The following TMEM178B variants were observed in gnomAD, a reference collection of about 807,000 sequenced individuals.
TMEM178B encodes transmembrane protein 178B.
TMEM178B carries 5 observed loss-of-function variants against 31.0 expected under a neutral mutation model. The observed-to-expected ratio is 0.16, with a 90% confidence interval of 0.08 to 0.34. The LOEUF is 0.34. TMEM178B is among the 10% of genes least tolerant of loss of function. The pLI, the probability that TMEM178B is intolerant of heterozygous loss-of-function variation, is 1.00. For synonymous variants in TMEM178B, 164 were observed against 164.0 expected, an observed-to-expected ratio of 1.00 and a Z score of 0.00; for missense variants, 275 against 400.3, an observed-to-expected ratio of 0.69 and a Z score of 2.67.
chr7:141,151,907 A>T (rs1795981027), intron 1 of TMEM178B, among the ~76,000 whole-genome samples: 1 of 152,106 alleles, frequency 6.6e-6, no homozygotes, highest in African/African-American at 2.4e-5. Flanking sequence ...CACAGCATGG[A>T]TGCTGCAGCC....
At chr7:141,240,479 T>A (rs1487612784) in intron 2 of TMEM178B, among the ~76,000 whole-genome samples, 1 of 152,264 alleles carries the variant, frequency 6.6e-6, no homozygotes, top group Admixed American at 6.5e-5. Context: ...AATATTCTTG[T>A]CTCTTCCATG....
At chr7:141,444,030 G>C (rs1235318988) in intron 3 of TMEM178B, among the ~76,000 whole-genome samples, 2 of 152,082 alleles carry the variant, frequency 1.3e-5, no homozygotes, top group Non-Finnish European at 2.9e-5. Context: ...TTTATTGTTT[G>C]CTTGTTGGAG....
At chr7:141,303,965 G>C (rs567932343) in intron 2 of TMEM178B, among the ~76,000 whole-genome samples, 3 of 152,286 alleles carry the variant, frequency 2.0e-5, no homozygotes, top group African/African-American at 7.2e-5. Context: ...GAGAGGTTCA[G>C]TGACTTGTCT....
intron 2 of TMEM178B, among the ~76,000 whole-genome samples, chr7:141,330,898 G>A (rs565859813): frequency 6.6e-6 from 1 of 152,334 alleles, no homozygotes; most frequent in South Asian, 2.1e-4. Context: ...TGGAGGTCAT[G>A]AGAGGTAGTC....
chr7:141,403,056 G>C (rs759286691), intron 2 of TMEM178B, among the ~76,000 whole-genome samples: 2 of 152,238 alleles, frequency 1.3e-5, no homozygotes, highest in Non-Finnish European at 2.9e-5. Flanking sequence ...CCCTGAGTTT[G>C]TGGCTATTTG....
chr7:141,109,428 T>C (rs571789100), intron 1 of TMEM178B, among the ~76,000 whole-genome samples: 72 of 152,260 alleles, frequency 4.7e-4, no homozygotes, highest in Non-Finnish European at 6.9e-4. Flanking sequence ...ATTGTGATTA[T>C]GGAGGAGTTG....
At chr7:141,167,065 G>A (rs537768385) in intron 1 of TMEM178B, among the ~76,000 whole-genome samples, 1 of 152,308 alleles carries the variant, frequency 6.6e-6, no homozygotes, top group South Asian at 2.1e-4. Flanking sequence ...GTGGCCTATA[G>A]CTAGTCATTT....
chr7:141,382,162 CT>C (rs557639405), intron 2 of TMEM178B, among the ~76,000 whole-genome samples: 260 of 152,280 alleles, frequency 1.7e-3, no homozygotes, highest in Non-Finnish European at 2.9e-3. Context: ...CCAAGGTGGC[CT>C]TTTAAAACAG....
chr7:141,377,283 A>T lies in TMEM178B; in HGVS notation c.497-60325A>T, dbSNP rs775165582. Among the ~76,000 whole-genome samples, 78 of 151,906 alleles carry T rather than the reference A, an allele frequency of 5.1e-4. 1 individual carries two copies. The highest frequency in any genetic ancestry group is 3.4e-3 in the Middle Eastern group (1 of 294). On this transcript the variant is annotated intron_variant, in intron 2 of 3. Transcript: ENST00000565468. Reference sequence around the variant, plus strand: ...ACTGCAACCTCCGCCTCCCGGGTTCAAGTGATTCTTCTGTCTCAGCCTCCC... The same window carrying T: ...ACTGCAACCTCCGCCTCCCGGGTTCTAGTGATTCTTCTGTCTCAGCCTCCC...
intron 3 of TMEM178B, among the ~76,000 whole-genome samples, chr7:141,446,551 G>A (rs1405066748): frequency 6.6e-6 from 1 of 152,172 alleles, no homozygotes; most frequent in Non-Finnish European, 1.5e-5. Context: ...CACATGAGCT[G>A]TCTTCCATTC....
At chr7:141,330,043 T>C (rs1280007682) in intron 2 of TMEM178B, among the ~76,000 whole-genome samples, 1 of 151,946 alleles carries the variant, frequency 6.6e-6, no homozygotes, top group Non-Finnish European at 1.5e-5. Flanking sequence ...CCCTGAGAAA[T>C]TTAATCTTCA....
At chr7:141,149,236 C>T (rs1489994966) in intron 1 of TMEM178B, among the ~76,000 whole-genome samples, 1 of 152,150 alleles carries the variant, frequency 6.6e-6, no homozygotes, top group African/African-American at 2.4e-5. Context: ...TGACCCCTGG[C>T]ACCTGTGAAT....
chr7:141,117,372 A>T (rs1795335957), intron 1 of TMEM178B, among the ~76,000 whole-genome samples: 1 of 151,480 alleles, frequency 6.6e-6, no homozygotes. Flanking sequence ...TTTTTCTTGT[A>T]AATCTATTTA....
chr7:141,239,179 C>T (rs1481225223), intron 2 of TMEM178B, among the ~76,000 whole-genome samples: 3 of 152,204 alleles, frequency 2.0e-5, no homozygotes, highest in Non-Finnish European at 4.4e-5. Flanking sequence ...CACATGCATG[C>T]GTGCATATAC....
chr7:141,328,376 C>T (rs1362610432), intron 2 of TMEM178B, among the ~76,000 whole-genome samples: 1 of 152,204 alleles, frequency 6.6e-6, no homozygotes, highest in Non-Finnish European at 1.5e-5. Flanking sequence ...CTTCTCCCCA[C>T]CCTCAATCCT....
intron 2 of TMEM178B, among the ~76,000 whole-genome samples, chr7:141,369,316 C>CGTGT (rs55960871): frequency 0.012 from 1,657 of 138,430 alleles, 7 homozygotes; most frequent in Non-Finnish European, 0.015. Context: ...TCCGCGCCGA[C>CGTGT]GTGTGTGTGT....
In TMEM178B at chr7:141,242,164, T is replaced by G. The variant is rs181342595; in HGVS notation, c.496+29460T>G. On this transcript the variant is annotated intron_variant, in intron 2 of 3. Coordinates refer to ENST00000565468, the MANE Select transcript of TMEM178B (RefSeq NM_001195278.2). Reference sequence around the variant, plus strand: ...CTGGTTTATCTTTTTGAAATAAGATTAACTTTGAAGCAGATTGACTTTGAA... The same window carrying G: ...CTGGTTTATCTTTTTGAAATAAGATGAACTTTGAAGCAGATTGACTTTGAA... 2.6e-5 allele frequency among the ~76,000 whole-genome samples: 4 copies of G among 152,338 alleles called. No homozygotes were observed. In the South Asian group the frequency reaches 6.2e-4, roughly 24 times the overall value.
chr7:141,466,772 AC>A (rs1015901204), intron 3 of TMEM178B, among the ~76,000 whole-genome samples: 2 of 152,140 alleles, frequency 1.3e-5, no homozygotes, highest in African/African-American at 4.8e-5. Context: ...GGTGGCTTGA[AC>A]TTGAACTCAC....
chr7:141,199,783 G>T (rs1796845890), intron 1 of TMEM178B, among the ~76,000 whole-genome samples: 1 of 152,182 alleles, frequency 6.6e-6, no homozygotes, highest in Non-Finnish European at 1.5e-5. Flanking sequence ...AGGGCGCAGT[G>T]GCTCACGCCT....
Sources: gnomAD v4.1 joint callset for allele counts (sites outside exome capture counted in the v4.1 genomes callset) on GRCh38, gnomAD v4.1.1 for gene constraint, MANE v1.5 for transcripts, NCBI Gene and HGNC (gene_info 2026-07-23, HGNC 2026-07-21) for gene names.